NTF3: variants seen among roughly 807,000 people sequenced by gnomAD.
NTF3 encodes the protein neurotrophin 3, also known as neurotrophin-3.
Under a neutral mutation model 26.3 loss-of-function variants are expected in NTF3, and 8 were observed. That is an observed-to-expected ratio of 0.30 (90% CI 0.18 to 0.55). The LOEUF is 0.55. NTF3 is among the 20% of genes least tolerant of loss of function. The probability of loss-of-function intolerance (pLI) is 0.93; values close to 1 mark genes in which losing one functional copy is unlikely to be tolerated. For missense variants in NTF3, 276 were observed against 352.9 expected (o/e 0.78, Z 1.75); for synonymous variants, 154 against 145.5 (o/e 1.06, Z -0.42).
intron 1 of NTF3, among the ~76,000 whole-genome samples, chr12:5,488,816 C>T (rs1360596979): frequency 6.6e-6 from 1 of 152,190 alleles, no homozygotes; most frequent in African/African-American, 2.4e-5. Context: ...TCAGGCCCTT[C>T]TGGACACAGC....
chr12:5,463,513 T>C (rs1425254656), intron 1 of NTF3, among the ~76,000 whole-genome samples: 1 of 152,028 alleles, frequency 6.6e-6, no homozygotes, highest in Admixed American at 6.5e-5. Context: ...AGCAGGGTTA[T>C]AGGTGGACAG....
At chr12:5,436,175 G>A (rs767705827) in intron 1 of NTF3, among the ~76,000 whole-genome samples, 11 of 152,180 alleles carry the variant, frequency 7.2e-5, no homozygotes, top group Non-Finnish European at 1.3e-4. Flanking sequence ...GTCTGGAGCA[G>A]ACGATGGGGA....
intron 1 of NTF3, among the ~76,000 whole-genome samples, chr12:5,486,873 G>C (rs1252480852): frequency 7.1e-6 from 1 of 140,126 alleles, no homozygotes; most frequent in Non-Finnish European, 1.5e-5. Context: ...ACCTCAGGTA[G>C]TTACGTGGTG....
In NTF3 at chr12:5,490,499, C is replaced by T. The variant is rs191945239; in HGVS notation, c.19-3695C>T. Among the ~76,000 whole-genome samples, 132 of 152,344 alleles carry T rather than the reference C, an allele frequency of 8.7e-4. 2 individuals are homozygous for T. Among genetic ancestry groups the T allele is most frequent in the Admixed American group, 5.0e-3 (77 of 15,310 alleles). ...AGACATTCCCCTAAATAGCAGAACTCGCTGCTGTGCCTTGCCTGGATGGAG... is the reference window on the plus strand; with the variant it reads ...AGACATTCCCCTAAATAGCAGAACTTGCTGCTGTGCCTTGCCTGGATGGAG... On this transcript the variant is annotated intron_variant, in intron 1 of 1. Coordinates refer to ENST00000423158, the MANE Select transcript of NTF3 (RefSeq NM_001102654.2).
At chr12:5,448,361 G>C (rs35852166) in intron 1 of NTF3, among the ~76,000 whole-genome samples, 1 of 152,014 alleles carries the variant, frequency 6.6e-6, no homozygotes, top group Non-Finnish European at 1.5e-5. Flanking sequence ...CCTTTTCATG[G>C]TGCTGGCTTT....
At chr12:5,431,964 G>T (rs564074387), upstream of NTF3, 188 of 149,414 alleles carry the variant, frequency 1.3e-3, no homozygotes, top group Non-Finnish European at 2.4e-3. Flanking sequence ...GTGAGGGCGG[G>T]GGGGGGGCTC....
At chr12:5,472,544 T>C (rs1940678223) in intron 1 of NTF3, among the ~76,000 whole-genome samples, 1 of 152,184 alleles carries the variant, frequency 6.6e-6, no homozygotes, top group African/African-American at 2.4e-5. Context: ...CCTCCAGTGG[T>C]CACTTACTCT....
At chr12:5,452,146 A>C (rs1940382145) in intron 1 of NTF3, among the ~76,000 whole-genome samples, 1 of 145,344 alleles carries the variant, frequency 6.9e-6, no homozygotes, top group Non-Finnish European at 1.5e-5. Context: ...GCCGGGCTGG[A>C]AGGCAGTGGC....
intron 1 of NTF3, among the ~76,000 whole-genome samples, chr12:5,492,961 G>C (rs1482111593): frequency 6.6e-6 from 1 of 152,188 alleles, no homozygotes; most frequent in Non-Finnish European, 1.5e-5. Context: ...CAGGGGAAGA[G>C]TTTTTATTTT....
chr12:5,469,968 A>G (rs1940643606), intron 1 of NTF3, among the ~76,000 whole-genome samples: 1 of 152,176 alleles, frequency 6.6e-6, no homozygotes, highest in African/African-American at 2.4e-5. Context: ...TCTGTCACCC[A>G]GGCTAGAGTG....
In NTF3 at chr12:5,494,089, C is replaced by T; in HGVS notation, c.19-105C>T. The stretch of plus-strand genomic sequence containing the variant: ...CCTTGCTTACCTGGGGGGCGGTACC[C>T]TCTCTCGTGCCCTCACAGGGCTACT... On this transcript the variant is annotated intron_variant, in intron 1 of 1. Coordinates refer to ENST00000423158, the MANE Select transcript of NTF3 (RefSeq NM_001102654.2). This position sits in a 1 kb window ranked among gnomAD's most constrained non-coding sequence, Gnocchi z 8.3. 9.4e-7 allele frequency: 1 copy of T among 1,064,416 alleles called. No homozygotes were observed. Among genetic ancestry groups the T allele is most frequent in the Non-Finnish European group, 1.4e-6 (1 of 733,796 alleles). 65.9% of individuals were successfully genotyped at this position (1,064,416 alleles called of 1,614,324 possible).
rs899506639 is a variant in NTF3, at chr12:5,443,613, T to A, written c.18+11271T>A. Among the ~76,000 whole-genome samples, 3 of 152,360 alleles carry A rather than the reference T, an allele frequency of 2.0e-5. No individual in the cohort carries two copies. In the South Asian group the frequency reaches 6.2e-4, roughly 32 times the overall value. ...AATTGTATTAGTATTCTAGCATTGT[T>A]CATAGCTCAAATCTAAGATTCCTTC... On this transcript the variant is annotated intron_variant, in intron 1 of 1. Transcript: ENST00000423158.
intron 1 of NTF3, among the ~76,000 whole-genome samples, chr12:5,455,843 A>G (rs1266907946): frequency 6.6e-6 from 1 of 152,132 alleles, no homozygotes; most frequent in Non-Finnish European, 1.5e-5. Context: ...CCTTTCATGG[A>G]TGGTGAGGGA....
intron 1 of NTF3, among the ~76,000 whole-genome samples, chr12:5,459,270 C>G (rs961681749): frequency 3.7e-4 from 57 of 152,106 alleles, no homozygotes; most frequent in Middle Eastern, 3.2e-3. Flanking sequence ...CCTCCTTGAC[C>G]CTGATAAAGT....
At chr12:5,479,376 T>A (rs1591604394) in intron 1 of NTF3, among the ~76,000 whole-genome samples, 1 of 152,314 alleles carries the variant, frequency 6.6e-6, no homozygotes, top group East Asian at 1.9e-4. Flanking sequence ...ACAGATACTG[T>A]TAGAGTATCT....
rs576992826 is a variant in NTF3, at chr12:5,456,617, C to G, written c.18+24275C>G. On this transcript the variant is annotated intron_variant, in intron 1 of 1. Coordinates refer to ENST00000423158, the MANE Select transcript of NTF3 (RefSeq NM_001102654.2). This position sits in a 1 kb window ranked among gnomAD's most constrained non-coding sequence, Gnocchi z 4.4. ...TGGGGGTCCTCTTCCACCCCCACCC[C>G]CACCCCCAGCCCCTGGAGCAGGTAC... Among the ~76,000 whole-genome samples the G allele has an allele frequency of 1.6e-3, 242 of 152,252 alleles. No individual in the cohort carries two copies. Among genetic ancestry groups the G allele is most frequent in the African/African-American group, 5.5e-3 (230 of 41,536 alleles).
chr12:5,431,391 GCA>G (rs962404779), upstream of NTF3, among the ~76,000 whole-genome samples: 1 of 152,168 alleles, frequency 6.6e-6, no homozygotes, highest in Non-Finnish European at 1.5e-5. Context: ...ACACGCGCGC[GCA>G]CACACAGCCC....
intron 1 of NTF3, among the ~76,000 whole-genome samples, chr12:5,452,791 C>T (rs1006930305): frequency 7.2e-5 from 11 of 152,182 alleles, no homozygotes; most frequent in Admixed American, 4.6e-4. Context: ...GAAAGACTGT[C>T]GCCTCCCCTT....
intron 1 of NTF3, 175 bp downstream of exon 1, chr12:5,432,517 G>A (rs572877483): frequency 1.2e-5 from 3 of 244,434 alleles, no homozygotes; most frequent in Non-Finnish European, 1.9e-5. Context: ...GTTTGCGCTG[G>A]GATCTGCTCA....
Sources: gnomAD v4.1 joint callset for allele counts (sites outside exome capture counted in the v4.1 genomes callset) on GRCh38, gnomAD v4.1.1 for gene constraint, Gnocchi (gnomAD v3.1) non-coding constraint, MANE v1.5 for transcripts, NCBI Gene and HGNC (gene_info 2026-07-23, HGNC 2026-07-21) for gene names.